PPOX: variants seen among roughly 807,000 people sequenced by gnomAD.
The protein encoded by PPOX is variegate porphyria.
Under a neutral mutation model 54.1 loss-of-function variants are expected in PPOX, and 23 were observed. That is an observed-to-expected ratio of 0.43 (90% CI 0.31 to 0.60). The LOEUF (loss-of-function observed/expected upper bound fraction) is 0.60, where lower values mean the gene tolerates loss of function less well. Ranked by LOEUF, PPOX falls within the 20% of genes least tolerant of loss-of-function variation. PPOX has a pLI of 0.13. For synonymous variants in PPOX, 224 were observed against 236.1 expected (o/e 0.95, Z 0.47); for missense variants, 512 against 601.1 (o/e 0.85, Z 1.55).
chr1:161,175,762 C>G (rs539994285), downstream of PPOX: 3 of 1,602,408 alleles, frequency 1.9e-6, no homozygotes, highest in East Asian at 2.2e-5. Context: ...CTCCCTGTCT[C>G]CGCACCTTGT....
At chr1:161,172,292 T>A (rs1476428787), downstream of PPOX, 8 of 1,613,866 alleles carry the variant, frequency 5.0e-6, no homozygotes, top group Non-Finnish European at 4.2e-6. Context: ...GTCCTACAGA[T>A]GTGGGGGGCC....
At chr1:161,171,855 T>C, downstream of PPOX, 1 of 1,614,114 alleles carries the variant, frequency 6.2e-7, no homozygotes, top group Non-Finnish European at 8.5e-7. Flanking sequence ...TGGCAGTAGA[T>C]AGAGGCCCAG....
At chr1:161,168,286 G>A in intron 5 of PPOX, 146 bp from the exon 6 acceptor site, 2 of 1,540,264 alleles carry the variant, frequency 1.3e-6, no homozygotes, top group Non-Finnish European at 1.8e-6. Flanking sequence ...ATTATTGGGA[G>A]TGAAGGCCTT....
chr1:161,166,525 C>T lies in PPOX; in HGVS notation c.-156C>T. On this transcript the variant is annotated 5_prime_UTR_variant, in exon 1 of 13. Coordinates refer to ENST00000367999, the MANE Select transcript of PPOX (RefSeq NM_001122764.3). ...GTGTGGCAAGCAGAGCACCTCAGAA[C>T]TCAGGCGTACTGCCCGCCGCCCGAG... 1 of 1,356,606 alleles carries T rather than the reference C, an allele frequency of 7.4e-7. No individual in the cohort carries two copies. The highest frequency in any genetic ancestry group is 9.5e-7 in the Non-Finnish European group (1 of 1,049,952). 84.0% of individuals were successfully genotyped at this position (1,356,606 alleles called of 1,614,324 possible).
rs796719317 is a variant in PPOX, at chr1:161,167,562, T to C, written c.338+76T>C. ...TTCCATTTCTTTCTTCTTTTCTTTT[T>C]TTTTTTTTTTTTTTTTTTTTTTGAG... On this transcript the variant is annotated intron_variant, in intron 4 of 12. Coordinates refer to ENST00000367999, the MANE Select transcript of PPOX (RefSeq NM_001122764.3). 2.0e-3 allele frequency: 2,462 copies of C among 1,225,966 alleles called. 18 individuals are homozygous for C. The African/African-American group carries it at 0.026, about 13-fold the overall frequency. 75.9% of individuals were successfully genotyped at this position (1,225,966 alleles called of 1,614,324 possible). A position where few individuals can be genotyped will look rare whatever the true frequency, so the allele number is the denominator to read the frequency against.
chr1:161,171,479 G>A (rs1189411582), downstream of PPOX: 2 of 587,660 alleles, frequency 3.4e-6, no homozygotes, highest in Non-Finnish European at 6.0e-6. Context: ...GAGGTCCGAG[G>A]AGAAGCCAGA....
chr1:161,176,711 G>C, intron 4 of PPOX: 1 of 669,236 alleles, frequency 1.5e-6, no homozygotes, highest in Non-Finnish European at 2.5e-6. Context: ...GGAGATGGTA[G>C]GTCCCTCGCC....
chr1:161,170,321 TCCCC>T, intron 9 of PPOX, 84 bp from the exon 10 acceptor site: 4 of 367,764 alleles, frequency 1.1e-5, no homozygotes, highest in African/African-American at 2.9e-5. Context: ...TGAGACTCTG[TCCCC>T]CCCACCCCCC....
downstream of PPOX, chr1:161,171,987 G>A: frequency 1.2e-6 from 2 of 1,614,148 alleles, no homozygotes; most frequent in Non-Finnish European, 1.7e-6. Context: ...CTGCTGTGAT[G>A]TTGGTATAAA....
chr1:161,170,339 A>G (rs956157693), intron 9 of PPOX, 70 bp from the exon 10 acceptor site: 8 of 332,496 alleles, frequency 2.4e-5, no homozygotes, highest in Non-Finnish European at 4.7e-5. Context: ...ACCCCCCCAA[A>G]AAAATGGGAA....
At chr1:161,174,540 T>A (rs965697119), downstream of PPOX, among the ~76,000 whole-genome samples, 3 of 152,268 alleles carry the variant, frequency 2.0e-5, no homozygotes, top group Non-Finnish European at 4.4e-5. Flanking sequence ...TGCTTGTGTA[T>A]TGGTATGGAC....
chr1:161,170,891 T>G lies in PPOX; in HGVS notation c.1249-16T>G. ...CAATAATAAACTTTTCCCTGCATCCTCTCCTCTCTTCTCAGAACTGCATTC... is the reference window on the plus strand; with the variant it reads ...CAATAATAAACTTTTCCCTGCATCCGCTCCTCTCTTCTCAGAACTGCATTC... On this transcript the variant is annotated splice_polypyrimidine_tract_variant and intron_variant, in intron 11 of 12. Transcript: ENST00000367999. 6.2e-7 allele frequency: 1 copy of G among 1,614,006 alleles called. No homozygotes were observed. The highest frequency in any genetic ancestry group is 8.5e-7 in the Non-Finnish European group (1 of 1,180,000).
Position 161,169,030 on chromosome 1 carries a change from G to A in PPOX, c.654G>A (p.Gln218=). The change falls in exon 7 of 13, where the codon CAG becomes CAA. Residue 218 remains glutamine (Q), a synonymous_variant. Transcript: ENST00000367999. ...TPQPDSALIR[Q]ALAERWSQWS... ...AGCCAGACTCAGCACTCATTCGCCA[G>A]GCCTTGGCTGAGCGCTGGAGCCAGT... 1 of 1,614,204 alleles carries A rather than the reference G, an allele frequency of 6.2e-7. No individual in the cohort carries two copies. Among genetic ancestry groups the A allele is most frequent in the Non-Finnish European group, 8.5e-7 (1 of 1,180,042 alleles).
chr1:161,177,133 G>C, downstream of PPOX: 16 of 1,482,430 alleles, frequency 1.1e-5, no homozygotes, highest in South Asian at 3.7e-5. Context: ...AGGGAGAGCA[G>C]GGGCAGAGAC....
In PPOX at chr1:161,171,185, T is replaced by C; in HGVS notation, c.*9T>C. ...CAGAACCTAACAGCTGATCCCCAAC[T>C]CTCATTCATGAAAATAAAAATTGCT... On this transcript the variant is annotated 3_prime_UTR_variant, in exon 13 of 13. Coordinates refer to ENST00000367999, the MANE Select transcript of PPOX (RefSeq NM_001122764.3). The C allele has an allele frequency of 1.2e-6, 2 of 1,613,054 alleles. No individual in the cohort carries two copies. The highest frequency in any genetic ancestry group is 1.7e-6 in the Non-Finnish European group (2 of 1,180,030).
chr1:161,166,265 C>T, upstream of PPOX: 1 of 998,640 alleles, frequency 1.0e-6, no homozygotes, highest in Non-Finnish European at 1.2e-6. Flanking sequence ...CGCTCACTCC[C>T]AGCTCGGCGC....
downstream of PPOX, among the ~76,000 whole-genome samples, chr1:161,172,874 A>G (rs974107336): frequency 5.3e-5 from 8 of 151,952 alleles, no homozygotes; most frequent in African/African-American, 1.9e-4. Context: ...AGAAAAAGAA[A>G]AAAAAAAAAA....
At chr1:161,171,245 T>A, downstream of PPOX, 2 of 1,610,112 alleles carry the variant, frequency 1.2e-6, no homozygotes. Context: ...CTATCACCTA[T>A]AGGCATAAGA....
At chr1:161,168,214 C>G in intron 5 of PPOX, 87 bp downstream of exon 5, 2 of 1,603,212 alleles carry the variant, frequency 1.2e-6, no homozygotes, top group Non-Finnish European at 1.7e-6. Flanking sequence ...AGGGGCTCTT[C>G]TGTATCATTT....
Sources: gnomAD v4.1 joint callset for allele counts (sites outside exome capture counted in the v4.1 genomes callset) on GRCh38, gnomAD v4.1.1 for gene constraint, MANE v1.5 for transcripts, NCBI Gene and HGNC (gene_info 2026-07-23, HGNC 2026-07-21) for gene names.